The following THSD4 variants were observed in gnomAD, a reference collection of about 807,000 sequenced individuals.
THSD4 encodes thrombospondin type 1 domain containing 4, also known as thrombospondin type-1 domain-containing protein 4.
Under a neutral mutation model 119.0 loss-of-function variants are expected in THSD4, and 69 were observed. The observed-to-expected ratio is 0.58, with a 90% CI of 0.48 to 0.71. The LOEUF (loss-of-function observed/expected upper bound fraction) is 0.71, where lower values mean the gene tolerates loss of function less well. THSD4 is among the 30% of genes least tolerant of loss of function. The pLI is 0.00. For missense variants in THSD4, 1,393 were observed against 1,391.1 expected, an observed-to-expected ratio of 1.00 and a Z score of -0.02; for synonymous variants, 524 against 540.4, an observed-to-expected ratio of 0.97 and a Z score of 0.42.
intron 7 of THSD4, among the ~76,000 whole-genome samples, chr15:71,606,606 T>A (rs984492070): frequency 2.0e-5 from 3 of 152,204 alleles, no homozygotes; most frequent in African/African-American, 7.2e-5. Flanking sequence ...AATGGCATGA[T>A]CTCGGCTCAC....
At chr15:71,500,708 T>A (rs4316709) in intron 7 of THSD4, among the ~76,000 whole-genome samples, 63,116 of 152,180 alleles carry the variant, frequency 0.41, 15,934 homozygotes, top group East Asian at 0.78. Context: ...AATCCAGTTT[T>A]CCCAATACCA....
intron 7 of THSD4, among the ~76,000 whole-genome samples, chr15:71,521,690 C>A (rs2048443428): frequency 6.6e-6 from 1 of 151,922 alleles, no homozygotes; most frequent in South Asian, 2.1e-4. Context: ...AATTCATTAA[C>A]CTGTAGATCA....
intron 10 of THSD4, 37 bp from the exon 11 acceptor site, chr15:71,737,695 G>T (rs759955698): frequency 6.4e-7 from 1 of 1,558,090 alleles, no homozygotes; most frequent in Non-Finnish European, 8.7e-7. Flanking sequence ...GGTCTAAACT[G>T]ATCCTGATTC....
intron 6 of THSD4, among the ~76,000 whole-genome samples, chr15:71,369,536 T>G (rs1018389520): frequency 6.6e-6 from 1 of 152,222 alleles, no homozygotes; most frequent in African/African-American, 2.4e-5. Flanking sequence ...TCTATTGAGA[T>G]AATCATGTGG....
intron 7 of THSD4, among the ~76,000 whole-genome samples, chr15:71,450,127 T>G (rs936028298): frequency 6.6e-6 from 1 of 152,112 alleles, no homozygotes; most frequent in Admixed American, 6.6e-5. Flanking sequence ...CAGTGTGTGT[T>G]TGAAAACTCA....
chr15:71,326,697 AAAAATATATATAT>A (rs1191347091), intron 6 of THSD4, among the ~76,000 whole-genome samples: 1 of 44,074 alleles, frequency 2.3e-5, no homozygotes, highest in Non-Finnish European at 4.3e-5. Flanking sequence ...AAAAAAAAAA[AAAAATATATATAT>A]ATATATATAT....
chr15:71,150,779 G>T (rs538924303), intron 2 of THSD4, among the ~76,000 whole-genome samples: 68 of 152,268 alleles, frequency 4.5e-4, no homozygotes, highest in African/African-American at 1.5e-3. Flanking sequence ...CCTCATAAAA[G>T]AAAATTTTAA....
chr15:71,538,390 C>T (rs1005542940), intron 7 of THSD4, among the ~76,000 whole-genome samples: 4 of 152,204 alleles, frequency 2.6e-5, no homozygotes, highest in Admixed American at 6.5e-5. Flanking sequence ...TGATTGCACA[C>T]GAAATCCCTC....
chr15:71,366,185 T>C (rs1342195424), intron 6 of THSD4, among the ~76,000 whole-genome samples: 2 of 152,194 alleles, frequency 1.3e-5, no homozygotes, highest in African/African-American at 4.8e-5. Context: ...GCCATTCTCC[T>C]GCCTCAGCCT....
intron 7 of THSD4, among the ~76,000 whole-genome samples, chr15:71,570,999 C>T (rs1416388834): frequency 6.6e-6 from 1 of 152,196 alleles, no homozygotes; most frequent in Admixed American, 6.6e-5. Context: ...TTGCCCCAGC[C>T]TGCTTGGGGC....
chr15:71,746,818 C>T lies in THSD4; in HGVS notation c.2037-20C>T, dbSNP rs1273203763. 5.6e-6 allele frequency: 9 copies of T among 1,612,006 alleles called. No homozygotes were observed. The highest frequency in any genetic ancestry group is 4.4e-5 in the South Asian group (4 of 91,062). ...GACTGAAGGTTGTCTCTCACTCTCG[C>T]TCTCTCATTCCTGAACCAGCTGGGA... On this transcript the variant is annotated intron_variant, in intron 12 of 17. Coordinates refer to ENST00000261862, the MANE Select transcript of THSD4 (RefSeq NM_024817.3).
chr15:71,712,887 T>C (rs2052543027), intron 8 of THSD4, among the ~76,000 whole-genome samples: 1 of 152,118 alleles, frequency 6.6e-6, no homozygotes, highest in South Asian at 2.1e-4. Flanking sequence ...GGAAAACCCA[T>C]AGGTGTGGAG....
chr15:71,757,995 A>G lies in THSD4; in HGVS notation c.2509A>G (p.Asn837Asp), dbSNP rs1489544601. Reference sequence around the variant, plus strand: ...CCTGCCCCTGGAGGGCTGTGGGAACAACCGGCCGGCAGAGGCCACCCCATG... The same window carrying G: ...CCTGCCCCTGGAGGGCTGTGGGAACGACCGGCCGGCAGAGGCCACCCCATG... ...SSLPLEGCGN[N>D]RPAEATPCDN... The change falls in exon 15 of 18, where the codon AAC (asparagine) becomes GAC (aspartate). Residue 837 changes from asparagine to aspartate, a missense_variant. By Grantham distance (23) the Asn-to-Asp change is conservative. Transcript: ENST00000261862. The G allele has an allele frequency of 8.1e-6, 13 of 1,613,946 alleles. No individual in the cohort carries two copies. Among genetic ancestry groups the G allele is most frequent in the Non-Finnish European group, 9.3e-6 (11 of 1,179,996 alleles).
intron 4 of THSD4, among the ~76,000 whole-genome samples, chr15:71,237,356 CT>C (rs1275354205): frequency 6.6e-6 from 1 of 152,126 alleles, no homozygotes; most frequent in East Asian, 1.9e-4. Flanking sequence ...GCTTCACAGT[CT>C]TTTGTAACAA....
chr15:71,365,906 A>C (rs74021967), intron 6 of THSD4, among the ~76,000 whole-genome samples: 1 of 152,292 alleles, frequency 6.6e-6, no homozygotes, highest in African/African-American at 2.4e-5. Flanking sequence ...GTCAGTTACT[A>C]AAAGTATCCA....
chr15:71,649,923 G>A (rs561938734), intron 7 of THSD4, among the ~76,000 whole-genome samples: 1 of 152,286 alleles, frequency 6.6e-6, no homozygotes, highest in Non-Finnish European at 1.5e-5. Context: ...CAGCCAATAA[G>A]GAAGTCAGAA....
chr15:71,307,806 T>C (rs775759913), intron 6 of THSD4, among the ~76,000 whole-genome samples: 3 of 152,142 alleles, frequency 2.0e-5, no homozygotes, highest in African/African-American at 2.4e-5. Flanking sequence ...CTCACACTTA[T>C]GGTTTATTAC....
upstream of THSD4, among the ~76,000 whole-genome samples, chr15:71,112,665 T>G (rs188481116): frequency 1.3e-4 from 20 of 152,312 alleles, no homozygotes; most frequent in African/African-American, 4.1e-4. Flanking sequence ...CAGGCTAGCC[T>G]TTGACTGTGA....
chr15:71,724,266 G>GATATATAT lies in THSD4; in HGVS notation c.1358-4268_1358-4261dup, dbSNP rs144736427. On this transcript the variant is annotated intron_variant, in intron 8 of 17. Coordinates refer to ENST00000261862, the MANE Select transcript of THSD4 (RefSeq NM_024817.3). Reference sequence around the variant, plus strand: ...CTGGGGGAGGAGGCCTCTATGATGGGATATATATATATATATATATATTTT... The same window carrying GATATATAT: ...CTGGGGGAGGAGGCCTCTATGATGGGATATATATATATATATATATATATATATATTTT... Among the ~76,000 whole-genome samples, 543 of 74,554 alleles carry GATATATAT rather than the reference G, an allele frequency of 7.3e-3. 10 individuals are homozygous for GATATATAT. Among genetic ancestry groups the GATATATAT allele is most frequent in the African/African-American group, 0.017 (523 of 29,998 alleles). 48.9% of individuals were successfully genotyped at this position (74,554 alleles called of 152,430 possible). A position where few individuals can be genotyped will look rare whatever the true frequency, so the allele number is the denominator to read the frequency against.
Sources: gnomAD v4.1 joint callset for allele counts (sites outside exome capture counted in the v4.1 genomes callset) on GRCh38, gnomAD v4.1.1 for gene constraint, MANE v1.5 for transcripts, NCBI Gene and HGNC (gene_info 2026-07-23, HGNC 2026-07-21) for gene names.